Variants in RAB27B observed in about 807,000 individuals in gnomAD.
RAB27B encodes RAB27B, member RAS oncogene family.
RAB27B carries 15 observed loss-of-function variants against 24.6 expected under a neutral mutation model. That is an observed-to-expected ratio of 0.61 (90% confidence interval 0.41 to 0.94). The LOEUF is 0.94. Ranked by LOEUF, RAB27B falls within the 40% of genes least tolerant of loss-of-function variation. The pLI is 0.00. For missense variants in RAB27B, 261 were observed against 266.8 expected, an observed-to-expected ratio of 0.98 and a Z score of 0.15; for synonymous variants, 105 against 92.5, an observed-to-expected ratio of 1.14 and a Z score of -0.78.
At chr18:54,771,233 A>G (rs1908538040) in intron 2 of RAB27B, among the ~76,000 whole-genome samples, 3 of 152,170 alleles carry the variant, frequency 2.0e-5, no homozygotes, top group Non-Finnish European at 4.4e-5. Context: ...ATTGGTTTTC[A>G]TAAACAGTTT....
chr18:54,827,755 A>C (rs1290620697), upstream of RAB27B, among the ~76,000 whole-genome samples: 1 of 152,192 alleles, frequency 6.6e-6, no homozygotes, highest in African/African-American at 2.4e-5. Context: ...CTAACCTTGT[A>C]TTCTTACCTT....
chr18:54,885,356 C>T (rs1913089745), intron 4 of RAB27B, among the ~76,000 whole-genome samples: 1 of 152,156 alleles, frequency 6.6e-6, no homozygotes, highest in East Asian at 1.9e-4. Context: ...CCATCTTACC[C>T]GGAATAAAAT....
intron 2 of RAB27B, among the ~76,000 whole-genome samples, chr18:54,785,878 T>C (rs2145101016): frequency 6.6e-6 from 1 of 152,300 alleles, no homozygotes; most frequent in East Asian, 1.9e-4. Flanking sequence ...AACCAATACA[T>C]AAAGATTCTT....
intron 1 of RAB27B, among the ~76,000 whole-genome samples, chr18:54,850,361 C>CATACATATATATATAT (rs1911529756): frequency 3.1e-5 from 2 of 64,890 alleles, no homozygotes; most frequent in African/African-American, 1.3e-4. Context: ...TATATATATA[C>CATACATATATATATAT]ATACATACAT....
rs371461799 is a variant in RAB27B, at chr18:54,830,408, C to T, written c.-20+1708C>T. 2.9e-4 allele frequency among the ~76,000 whole-genome samples: 44 copies of T among 152,224 alleles called. 1 individual carries two copies. The South Asian group carries it at 8.7e-3, about 30-fold the overall frequency. ...GATCAGTACGGCATGAAATATAGAACAATTACTCATATAAAACTCATCTCA... is the reference window on the plus strand; with the variant it reads ...GATCAGTACGGCATGAAATATAGAATAATTACTCATATAAAACTCATCTCA... On this transcript the variant is annotated intron_variant, in intron 1 of 5. Coordinates refer to ENST00000262094, the MANE Select transcript of RAB27B (RefSeq NM_004163.4).
intron 1 of RAB27B, among the ~76,000 whole-genome samples, chr18:54,865,383 G>C (rs1912176286): frequency 6.6e-6 from 1 of 151,876 alleles, no homozygotes; most frequent in South Asian, 2.1e-4. Flanking sequence ...TACCTGTCTG[G>C]GGAAATAACC....
intron 2 of RAB27B, among the ~76,000 whole-genome samples, chr18:54,721,988 T>C (rs1385682983): frequency 6.6e-6 from 1 of 152,178 alleles, no homozygotes; most frequent in Non-Finnish European, 1.5e-5. Context: ...CTTTGAAATC[T>C]TGAGAAATTT....
intron 1 of RAB27B, among the ~76,000 whole-genome samples, chr18:54,868,483 A>G (rs1912331042): frequency 6.6e-6 from 1 of 152,206 alleles, no homozygotes; most frequent in Admixed American, 6.5e-5. Flanking sequence ...ATTTCTTTAT[A>G]GCAATGCAAG....
chr18:54,834,534 T>C (rs1395433626), intron 1 of RAB27B, among the ~76,000 whole-genome samples: 6 of 152,170 alleles, frequency 3.9e-5, no homozygotes, highest in Non-Finnish European at 8.8e-5. Context: ...TTTACTTCCT[T>C]CCTTCTTTTT....
chr18:54,744,294 T>C (rs988305019), intron 2 of RAB27B, among the ~76,000 whole-genome samples: 9 of 152,190 alleles, frequency 5.9e-5, no homozygotes, highest in African/African-American at 1.9e-4. Flanking sequence ...TTTCAAAATG[T>C]GATAAAGAAA....
intron 2 of RAB27B, among the ~76,000 whole-genome samples, chr18:54,818,523 T>A (rs1910191006): frequency 6.6e-6 from 1 of 152,116 alleles, no homozygotes; most frequent in Non-Finnish European, 1.5e-5. Context: ...TTGTCCCTAC[T>A]CCAGGGCATA....
intron 2 of RAB27B, among the ~76,000 whole-genome samples, chr18:54,782,561 A>G (rs1301212238): frequency 6.6e-6 from 1 of 152,208 alleles, no homozygotes; most frequent in African/African-American, 2.4e-5. Context: ...CTTATTGGCT[A>G]TTCTGATATA....
intron 1 of RAB27B, among the ~76,000 whole-genome samples, chr18:54,843,237 CTGAT>C (rs1911187954): frequency 6.6e-6 from 1 of 152,124 alleles, no homozygotes; most frequent in Non-Finnish European, 1.5e-5. Flanking sequence ...AAAAATATCT[CTGAT>C]TGTTGAAGTT....
chr18:54,753,860 C>T (rs1410181658), intron 2 of RAB27B, among the ~76,000 whole-genome samples: 1 of 151,998 alleles, frequency 6.6e-6, no homozygotes, highest in Non-Finnish European at 1.5e-5. Context: ...CCCACCGGAG[C>T]CATACACACT....
rs144170103 is a variant in RAB27B at position 54,772,957 on chromosome 18, A to G, written c.-20+54816A>G. Among the ~76,000 whole-genome samples the G allele has an allele frequency of 4.9e-4, 74 of 152,126 alleles. 1 individual carries two copies. Among genetic ancestry groups the G allele is most frequent in the African/African-American group, 1.5e-3 (61 of 41,492 alleles). On this transcript the variant is annotated intron_variant, in intron 2 of 4. Coordinates refer to the RAB27B transcript ENST00000586570. ...ATTTAATTCGGTGCTCCTTTCACACATTTCTTACTCCATGACTGTGTTTAC... is the reference window on the plus strand; with the variant it reads ...ATTTAATTCGGTGCTCCTTTCACACGTTTCTTACTCCATGACTGTGTTTAC...
At position 54,889,452 on chromosome 18, in the gene RAB27B, A is replaced by G; in HGVS notation, c.*39A>G. On this transcript the variant is annotated 3_prime_UTR_variant, in exon 6 of 6. Transcript: ENST00000262094. ...ACTGAACATCAAGAACCCCACCAAA[A>G]TATTACTTTTAAAAACAATGACAAA... 4 of 1,536,834 alleles carry G rather than the reference A, an allele frequency of 2.6e-6. No individual in the cohort carries two copies. In the African/African-American group the frequency reaches 4.2e-5, roughly 16 times the overall value.
At chr18:54,792,553 T>C (rs1160776333) in intron 2 of RAB27B, among the ~76,000 whole-genome samples, 1 of 152,190 alleles carries the variant, frequency 6.6e-6, no homozygotes, top group East Asian at 1.9e-4. Flanking sequence ...CAAGAAGAAA[T>C]ATATTTATGC....
At chr18:54,788,885 G>C (rs1356429545) in intron 2 of RAB27B, among the ~76,000 whole-genome samples, 1 of 152,160 alleles carries the variant, frequency 6.6e-6, no homozygotes, top group Non-Finnish European at 1.5e-5. Context: ...CTCAAGGCTT[G>C]CATTGCAAGG....
intron 1 of RAB27B, among the ~76,000 whole-genome samples, chr18:54,846,965 C>T (rs1015178527): frequency 2.0e-5 from 3 of 152,112 alleles, no homozygotes; most frequent in Non-Finnish European, 4.4e-5. Context: ...ATTCTCCTGC[C>T]TCAGCCTCCC....
Sources: gnomAD v4.1 joint callset for allele counts (sites outside exome capture counted in the v4.1 genomes callset) on GRCh38, gnomAD v4.1.1 for gene constraint, MANE v1.5 for transcripts, NCBI Gene and HGNC (gene_info 2026-07-23, HGNC 2026-07-21) for gene names.